The following ROBO1 variants were observed in gnomAD, a reference collection of about 807,000 sequenced individuals.
The protein encoded by ROBO1 is roundabout guidance receptor 1, also known as roundabout homolog 1.
A neutral mutation model predicts 195.9 loss-of-function variants in ROBO1; 149 were observed. That is an observed-to-expected ratio of 0.76 (90% CI 0.67 to 0.87). The LOEUF is 0.87. ROBO1 is among the 40% of genes least tolerant of loss of function. ROBO1 has a pLI of 0.00. For missense variants in ROBO1, 1,933 were observed against 2,068.3 expected (o/e 0.93, Z 1.27); for synonymous variants, 816 against 733.2 (o/e 1.11, Z -1.82).
chr3:79,678,634 T>A (rs532300580), intron 1 of ROBO1, among the ~76,000 whole-genome samples: 14 of 152,194 alleles, frequency 9.2e-5, no homozygotes, highest in Admixed American at 9.2e-4. Context: ...AATAAGAAAA[T>A]CTTACATTTT....
At chr3:78,646,074 A>G (rs1379486518) in intron 21 of ROBO1, 74 bp downstream of exon 21, 1 of 1,264,746 alleles carries the variant, frequency 7.9e-7, no homozygotes, top group Non-Finnish European at 1.1e-6. Flanking sequence ...AAGCAGAGAA[A>G]GTGGTGTCAT....
intron 3 of ROBO1, among the ~76,000 whole-genome samples, chr3:79,088,485 T>G (rs2108482549): frequency 6.6e-6 from 1 of 152,256 alleles, no homozygotes; most frequent in South Asian, 2.1e-4. Context: ...TATGCAAGTT[T>G]AAATTGTATA....
At chr3:78,677,285 C>T (rs1708495917) in intron 10 of ROBO1, among the ~76,000 whole-genome samples, 1 of 152,174 alleles carries the variant, frequency 6.6e-6, no homozygotes, top group Non-Finnish European at 1.5e-5. Flanking sequence ...AAATAACCAT[C>T]TAACATCATA....
At chr3:78,872,140 ATTACAT>A (rs1297848832) in intron 4 of ROBO1, among the ~76,000 whole-genome samples, 4 of 152,144 alleles carry the variant, frequency 2.6e-5, no homozygotes, top group Non-Finnish European at 4.4e-5. Flanking sequence ...GAGACTTGTG[ATTACAT>A]ATACTCTAGC....
intron 3 of ROBO1, among the ~76,000 whole-genome samples, chr3:78,991,822 A>G (rs778421082): frequency 1.8e-4 from 28 of 152,166 alleles, no homozygotes; most frequent in Non-Finnish European, 4.0e-4. Flanking sequence ...GGCCAAATTT[A>G]AGAAGCTAAA....
intron 3 of ROBO1, among the ~76,000 whole-genome samples, chr3:78,963,799 G>A (rs1463072890): frequency 2.0e-5 from 3 of 152,092 alleles, no homozygotes; most frequent in Non-Finnish European, 4.4e-5. Context: ...TTACAGGCGT[G>A]AGCCACAGCG....
intron 2 of ROBO1, among the ~76,000 whole-genome samples, chr3:79,272,576 G>A (rs894166566): frequency 2.5e-4 from 38 of 152,074 alleles, no homozygotes; most frequent in African/African-American, 8.7e-4. Flanking sequence ...AGCAGCAGGG[G>A]CATGGCACAG....
intron 2 of ROBO1, among the ~76,000 whole-genome samples, chr3:79,176,580 C>G (rs1395718294): frequency 2.0e-5 from 3 of 152,096 alleles, no homozygotes; most frequent in Admixed American, 2.0e-4. Flanking sequence ...GTCTTAGCCT[C>G]CCAAGTAGCT....
chr3:79,208,687 A>ATGTGTGTGTGTG (rs59970776), intron 2 of ROBO1, among the ~76,000 whole-genome samples: 18 of 145,308 alleles, frequency 1.2e-4, no homozygotes, highest in African/African-American at 4.3e-4. Context: ...GTGGTGGGGC[A>ATGTGTGTGTGTG]TGTGTGTGTG....
chr3:78,987,702 C>A (rs1265242717), intron 3 of ROBO1, among the ~76,000 whole-genome samples: 1 of 151,854 alleles, frequency 6.6e-6, no homozygotes. Context: ...CATAGCAAAA[C>A]AGGGTGACTA....
intron 1 of ROBO1, among the ~76,000 whole-genome samples, chr3:79,633,144 A>G (rs1464439545): frequency 4.0e-5 from 6 of 151,362 alleles, no homozygotes; most frequent in Admixed American, 3.3e-4. Context: ...ATATTATAAG[A>G]AAAAGGGTTT....
At chr3:78,919,401 A>G (rs2038813745) in intron 4 of ROBO1, among the ~76,000 whole-genome samples, 1 of 152,218 alleles carries the variant, frequency 6.6e-6, no homozygotes, top group African/African-American at 2.4e-5. Flanking sequence ...TTGAGAATCA[A>G]TTAAGTAGAA....
chr3:78,959,812 T>C (rs996584645), intron 3 of ROBO1, among the ~76,000 whole-genome samples: 1 of 152,166 alleles, frequency 6.6e-6, no homozygotes, highest in African/African-American at 2.4e-5. Context: ...TGGTGTTTAA[T>C]ACACAGATAG....
At chr3:78,605,761 TA>T (rs1288086011) in intron 29 of ROBO1, among the ~76,000 whole-genome samples, 1 of 152,240 alleles carries the variant, frequency 6.6e-6, no homozygotes, top group Non-Finnish European at 1.5e-5. Context: ...TTCTTTATTT[TA>T]TTTTTTTTAC....
intron 15 of ROBO1, 75 bp from the exon 16 acceptor site, chr3:78,661,336 GTTATAAAAT>G: frequency 1.1e-6 from 1 of 921,546 alleles, no homozygotes; most frequent in Non-Finnish European, 1.5e-6. Context: ...AAAATTAAAC[GTTATAAAAT>G]GCACAAAATT....
intron 2 of ROBO1, among the ~76,000 whole-genome samples, chr3:79,349,019 T>G (rs1051747603): frequency 5.1e-4 from 78 of 152,206 alleles, no homozygotes; most frequent in Admixed American, 1.5e-3. Flanking sequence ...TGTCCAACAA[T>G]CTAGTTAAAT....
intron 4 of ROBO1, among the ~76,000 whole-genome samples, chr3:78,895,897 A>G (rs1474341437): frequency 6.6e-6 from 1 of 152,238 alleles, no homozygotes; most frequent in Non-Finnish European, 1.5e-5. Flanking sequence ...CTAGAAAATA[A>G]GAATTATACT....
intron 10 of ROBO1, among the ~76,000 whole-genome samples, chr3:78,682,054 T>C (rs2080927723): frequency 6.6e-6 from 1 of 152,126 alleles, no homozygotes; most frequent in African/African-American, 2.4e-5. Context: ...ATAATGAAAC[T>C]GATGTTTTAG....
At chr3:79,306,809 G>T (rs1034233373) in intron 2 of ROBO1, among the ~76,000 whole-genome samples, 1 of 152,066 alleles carries the variant, frequency 6.6e-6, no homozygotes. Context: ...AGCCGTTCTT[G>T]TTTGCATTTT....
Sources: allele counts gnomAD v4.1 joint callset (sites outside exome capture counted in the v4.1 genomes callset), GRCh38; gene constraint gnomAD v4.1.1; transcripts MANE v1.5; gene names NCBI Gene and HGNC (gene_info 2026-07-23, HGNC 2026-07-21).